Variants in TMEM126A observed in about 807,000 individuals in gnomAD.
TMEM126A encodes the protein optic atrophy 7.
Under a neutral mutation model 18.3 loss-of-function variants are expected in TMEM126A, and 10 were observed. The ratio of observed to expected loss-of-function variants is 0.55; its 90% CI spans 0.34 to 0.93. The LOEUF is 0.93. Among genes scored for constraint, TMEM126A ranks in the 40% least tolerant of loss-of-function variants. TMEM126A has a pLI of 0.02. For synonymous variants in TMEM126A, 68 were observed against 78.1 expected (o/e 0.87, Z 0.68); for missense variants, 246 against 230.2 (o/e 1.07, Z -0.44).
Position 85,656,406 on chromosome 11 carries a change from C to G in TMEM126A, c.493C>G (p.Leu165Val), listed in dbSNP as rs201622292. 2.9e-5 allele frequency: 47 copies of G among 1,613,240 alleles called. No homozygotes were observed. Residue 165 changes from leucine (L) to valine (V), a missense_variant, in exon 5 of 5, where the codon CTC (leucine) becomes GTC (valine). Physicochemically the swap from Leu to Val is conservative, Grantham distance 32. Coordinates refer to ENST00000304511, the MANE Select transcript of TMEM126A (RefSeq NM_032273.4). ...VFRKMLFPIL[L>V]QTMFSAYLGS... ...TAGAAAGATGTTATTTCCTATTTTG[C>G]TCCAGACTATGTTTTCAGCATACCT...
Position 85,648,049 on chromosome 11 carries a change from AAGG to A in TMEM126A, c.-41_-39del, listed in dbSNP as rs1198550431. 1 of 134,676 alleles carries A rather than the reference AAGG, an allele frequency of 7.4e-6. No individual in the cohort carries two copies. Among genetic ancestry groups the A allele is most frequent in the African/African-American group, 3.0e-5 (1 of 33,460 alleles). The allele number at this position is 134,676 out of a possible 1,614,324, so 8.3% of individuals were successfully genotyped here. ...ACAGTGAACTCCGGCGTGGCTGAGG[AAGG>A]AGGAGGCACCCACAGGCTGCTGGGA... On this transcript the variant is annotated 5_prime_UTR_variant, in exon 1 of 5. Coordinates refer to ENST00000304511, the MANE Select transcript of TMEM126A (RefSeq NM_032273.4).
At chr11:85,648,965 C>G (rs917206567) in intron 1 of TMEM126A, among the ~76,000 whole-genome samples, 3 of 137,356 alleles carry the variant, frequency 2.2e-5, no homozygotes, top group African/African-American at 8.5e-5. Flanking sequence ...TAGACCGAGT[C>G]TCGCTCTCAC....
At chr11:85,653,379 G>A (rs2082515685) in intron 2 of TMEM126A, among the ~76,000 whole-genome samples, 1 of 152,176 alleles carries the variant, frequency 6.6e-6, no homozygotes. Flanking sequence ...AAAATCTTAA[G>A]ACTGTATTGT....
In TMEM126A at chr11:85,656,355, T is replaced by C. The variant is rs1206890659; in HGVS notation, c.442T>C (p.Trp148Arg). The part of the protein sequence containing the change: ...LPHKGNILSY[W>R]IRTSKPVFRK... ...ACACAAAGGGAACATCTTAAGTTAC[T>C]GGATTAGAACTTCTAAGCCTGTCTT... The change falls in exon 5 of 5, where the codon TGG becomes CGG. Residue 148 changes from tryptophan to arginine, a missense_variant. Coordinates refer to ENST00000304511, the MANE Select transcript of TMEM126A (RefSeq NM_032273.4). 1 of 1,612,618 alleles carries C rather than the reference T, an allele frequency of 6.2e-7. No homozygotes were observed. Among genetic ancestry groups the C allele is most frequent in the Non-Finnish European group, 8.5e-7 (1 of 1,179,618 alleles).
rs548089203 is a variant in TMEM126A at position 85,654,301 on chromosome 11, G to C, written c.280+45G>C. 4 of 1,573,154 alleles carry C rather than the reference G, an allele frequency of 2.5e-6. No individual in the cohort carries two copies. The South Asian group carries it at 4.4e-5, about 17-fold the overall frequency. ...CACCAAAGAGTTTGCCTTAGTATAT[G>C]TTATTTGCAGCTTTAGTCCATACTT... On this transcript the variant is annotated intron_variant, in intron 3 of 4. Transcript: ENST00000304511.
chr11:85,654,832 ATAT>A (rs1459087935), intron 3 of TMEM126A, among the ~76,000 whole-genome samples: 1 of 150,862 alleles, frequency 6.6e-6, no homozygotes, highest in Non-Finnish European at 1.5e-5. Context: ...ATATACATAT[ATAT>A]GAAAATTATA....
Position 85,655,493 on chromosome 11 carries a change from C to T in TMEM126A, c.281-101C>T, listed in dbSNP as rs185672130. 554 of 882,318 alleles carry T rather than the reference C, an allele frequency of 6.3e-4. 5 individuals carry two copies. The African/African-American group carries it at 8.4e-3, about 13-fold the overall frequency. The allele number at this position is 882,318 out of a possible 1,614,324, so 54.7% of individuals were successfully genotyped here. On this transcript the variant is annotated intron_variant, in intron 3 of 4. Coordinates refer to ENST00000304511, the MANE Select transcript of TMEM126A (RefSeq NM_032273.4). ...TGTACAATTACATTTGATATATTAC[C>T]TGAAAAATACCTGTGATACACAAAA... is the stretch of plus-strand genomic sequence containing the variant.
chr11:85,656,203 T>C, intron 4 of TMEM126A, 106 bp from the exon 5 acceptor site: 2 of 989,332 alleles, frequency 2.0e-6, no homozygotes, highest in South Asian at 1.4e-5. Flanking sequence ...TTTACTTTAA[T>C]ATTCAGTTTT....
At chr11:85,651,491 G>C (rs2082499426) in intron 2 of TMEM126A, among the ~76,000 whole-genome samples, 1 of 152,222 alleles carries the variant, frequency 6.6e-6, no homozygotes, top group African/African-American at 2.4e-5. Context: ...TAATCCTGGT[G>C]AGTGGAGATG....
At chr11:85,650,101 G>C in intron 1 of TMEM126A, 148 bp from the exon 2 acceptor site, 1 of 565,144 alleles carries the variant, frequency 1.8e-6, no homozygotes, top group South Asian at 2.4e-5. Flanking sequence ...TTCATGTTCT[G>C]GTTTCTGTTT....
intron 2 of TMEM126A, among the ~76,000 whole-genome samples, chr11:85,652,228 T>C (rs1210226401): frequency 6.6e-6 from 1 of 152,224 alleles, no homozygotes. Context: ...CTTTACCAAA[T>C]TAGAAAGAAT....
intron 2 of TMEM126A, among the ~76,000 whole-genome samples, chr11:85,653,043 T>A (rs1264807814): frequency 6.6e-6 from 1 of 152,220 alleles, no homozygotes; most frequent in Non-Finnish European, 1.5e-5. Context: ...TCCAAGTTCC[T>A]GAACTGCCAC....
At chr11:85,654,375 G>C in intron 3 of TMEM126A, 119 bp downstream of exon 3, 1 of 1,015,978 alleles carries the variant, frequency 9.8e-7, no homozygotes, top group Admixed American at 2.1e-5. Context: ...ATTAAATCTT[G>C]CTAGCCTATA....
chr11:85,649,130 T>G (rs950783088), intron 1 of TMEM126A, among the ~76,000 whole-genome samples: 4 of 152,190 alleles, frequency 2.6e-5, no homozygotes, highest in Non-Finnish European at 5.9e-5. Context: ...ACAGGGAGTT[T>G]CACCATGTTG....
At chr11:85,656,245 C>A in intron 4 of TMEM126A, 64 bp from the exon 5 acceptor site, 1 of 1,378,018 alleles carries the variant, frequency 7.3e-7, no homozygotes, top group Non-Finnish European at 1.0e-6. Flanking sequence ...ATATGTATCA[C>A]AGATGGGTTT....
At position 85,656,450 on chromosome 11, in the gene TMEM126A, A is replaced by C; in HGVS notation, c.537A>C (p.Lys179Asn). The C allele has an allele frequency of 6.2e-7, 1 of 1,613,336 alleles. No individual in the cohort carries two copies. Among genetic ancestry groups the C allele is most frequent in the Non-Finnish European group, 8.5e-7 (1 of 1,179,630 alleles). Residue 179 changes from lysine to asparagine, a missense_variant, in exon 5 of 5, where the codon AAA becomes AAC. Physicochemically the swap from Lys to Asn is moderately conservative, Grantham distance 94. Coordinates refer to ENST00000304511, the MANE Select transcript of TMEM126A (RefSeq NM_032273.4). Reference sequence around the variant, plus strand: ...CATACCTTGGGTCTGAACAATATAAACTACTTATAAAGGCCCTTCAGTTAT... The same window carrying C: ...CATACCTTGGGTCTGAACAATATAACCTACTTATAAAGGCCCTTCAGTTAT... ...FSAYLGSEQYKLLIKALQLSE... is the reference protein window; with the variant it reads ...FSAYLGSEQYNLLIKALQLSE...
At chr11:85,653,338 CTG>C in intron 2 of TMEM126A, among the ~76,000 whole-genome samples, 1 of 152,242 alleles carries the variant, frequency 6.6e-6, no homozygotes, top group East Asian at 1.9e-4. Context: ...AGGAGGTACT[CTG>C]TGGCTACTTT....
chr11:85,648,688 G>A (rs541290490), intron 1 of TMEM126A, among the ~76,000 whole-genome samples: 4 of 152,156 alleles, frequency 2.6e-5, no homozygotes, highest in Non-Finnish European at 4.4e-5. Flanking sequence ...TCATCTTATC[G>A]TAGCCAAGGC....
At chr11:85,653,952 G>C (rs2153313225) in intron 2 of TMEM126A, 111 bp from the exon 3 acceptor site, 1 of 1,283,500 alleles carries the variant, frequency 7.8e-7, no homozygotes, top group South Asian at 1.2e-5. Flanking sequence ...ATAAGGGATA[G>C]ATGTCGTATC....
Sources: gnomAD v4.1 joint callset for allele counts (sites outside exome capture counted in the v4.1 genomes callset) on GRCh38, gnomAD v4.1.1 for gene constraint, MANE v1.5 for transcripts, NCBI Gene and HGNC (gene_info 2026-07-23, HGNC 2026-07-21) for gene names.